XKR4: variants seen among roughly 807,000 people sequenced by gnomAD.
XKR4 encodes XK related 4.
In XKR4, 12 loss-of-function variants were observed where a neutral mutation model predicts 53.9. The observed-to-expected ratio is 0.22, with a 90% CI of 0.14 to 0.36. The LOEUF is 0.36. Among genes scored for constraint, XKR4 ranks in the 10% least tolerant of loss-of-function variants. XKR4 has a pLI of 1.00. For synonymous variants in XKR4, 354 were observed against 362.4 expected (o/e 0.98, Z 0.26); for missense variants, 799 against 859.5 (o/e 0.93, Z 0.88).
At chr8:55,462,312 C>A (rs1424107299) in intron 2 of XKR4, among the ~76,000 whole-genome samples, 1 of 152,106 alleles carries the variant, frequency 6.6e-6, no homozygotes, top group Non-Finnish European at 1.5e-5. Context: ...AGAGTGGGGG[C>A]CAATATTCAA....
rs1206938613 is a variant in XKR4, at chr8:55,357,560, G to A, written c.807-118G>A. 7.0e-6 allele frequency: 7 copies of A among 1,001,068 alleles called. No homozygotes were observed. The East Asian group carries it at 1.0e-4, about 15-fold the overall frequency. The allele number at this position is 1,001,068 out of a possible 1,614,324, so 62.0% of individuals were successfully genotyped here. A position where few individuals can be genotyped will look rare whatever the true frequency, so the allele number is the denominator to read the frequency against. ...TGGACTTTAACTCATAAGCCCCCGA[G>A]GTAATTGTTTCTTGTGCTTGCTTGC... On this transcript the variant is annotated intron_variant, in intron 1 of 2. Coordinates refer to ENST00000327381, the MANE Select transcript of XKR4 (RefSeq NM_052898.2).
intron 2 of XKR4, among the ~76,000 whole-genome samples, chr8:55,416,997 G>T (rs1346237979): frequency 6.6e-6 from 1 of 152,120 alleles, no homozygotes; most frequent in African/African-American, 2.4e-5. Flanking sequence ...GTCCCCTGGG[G>T]CGGGGTTACA....
At chr8:55,263,577 C>T (rs1299566363) in intron 1 of XKR4, among the ~76,000 whole-genome samples, 1 of 152,352 alleles carries the variant, frequency 6.6e-6, no homozygotes, top group Non-Finnish European at 1.5e-5. Flanking sequence ...GAAGTAATCA[C>T]TGTAATGCTA....
At chr8:55,487,267 G>A (rs1206614930) in intron 2 of XKR4, among the ~76,000 whole-genome samples, 4 of 152,122 alleles carry the variant, frequency 2.6e-5, no homozygotes, top group Non-Finnish European at 5.9e-5. Context: ...AGAAAAGTCT[G>A]CCCCAACTCT....
chr8:55,423,007 C>T (rs1256265062), intron 2 of XKR4, among the ~76,000 whole-genome samples: 1 of 152,088 alleles, frequency 6.6e-6, no homozygotes, highest in Non-Finnish European at 1.5e-5. Context: ...TAAGACAATG[C>T]CCCATGTCAA....
Position 55,523,837 on chromosome 8 carries a change from G to T in XKR4, c.1563G>T (p.Gly521=). ...TTCATCCCAATGGACCCAGATTCGG[G>T]CAGTCACCAAGTTGTGCTTGTGAGG... ...AFFHPNGPRF[G]QSPSCACEDP... Residue 521 remains glycine, a synonymous_variant, in exon 3 of 3, where the codon GGG becomes GGT. Transcript: ENST00000327381. 3.1e-6 allele frequency: 5 copies of T among 1,614,148 alleles called. No homozygotes were observed. Among genetic ancestry groups the T allele is most frequent in the Non-Finnish European group, 4.2e-6 (5 of 1,180,024 alleles).
At chr8:55,290,617 C>A (rs1226940299) in intron 1 of XKR4, among the ~76,000 whole-genome samples, 2 of 152,010 alleles carry the variant, frequency 1.3e-5, no homozygotes, top group Admixed American at 6.6e-5. Flanking sequence ...TGTGGTGTTC[C>A]CCTCCCTGTA....
intron 1 of XKR4, among the ~76,000 whole-genome samples, chr8:55,250,004 G>A (rs375717129): frequency 1.7e-4 from 26 of 152,252 alleles, no homozygotes; most frequent in African/African-American, 5.5e-4. Context: ...GAAAAATTAA[G>A]TGTACATCTT....
intron 2 of XKR4, among the ~76,000 whole-genome samples, chr8:55,392,529 G>T (rs57860456): frequency 1.3e-5 from 2 of 152,142 alleles, no homozygotes; most frequent in Non-Finnish European, 2.9e-5. Context: ...GGTGGTTCAC[G>T]CCTATAATCC....
chr8:55,325,874 T>A (rs1165086758), intron 1 of XKR4, among the ~76,000 whole-genome samples: 1 of 152,228 alleles, frequency 6.6e-6, no homozygotes, highest in East Asian at 1.9e-4. Flanking sequence ...AATTCCTCTC[T>A]AAGAAATTGA....
At chr8:55,451,404 G>C (rs754691751) in intron 2 of XKR4, 16 of 932,354 alleles carry the variant, frequency 1.7e-5, no homozygotes, top group Admixed American at 1.7e-4. Context: ...TGTTGCGTCC[G>C]GACGCACTGG....
intron 2 of XKR4, among the ~76,000 whole-genome samples, chr8:55,413,126 C>T (rs1207737426): frequency 1.3e-5 from 2 of 152,208 alleles, no homozygotes; most frequent in East Asian, 3.8e-4. Context: ...GCATATATGA[C>T]ATTGTTTTAC....
At chr8:55,191,466 C>T (rs2129361038) in intron 1 of XKR4, among the ~76,000 whole-genome samples, 1 of 152,252 alleles carries the variant, frequency 6.6e-6, no homozygotes, top group African/African-American at 2.4e-5. Flanking sequence ...GTGCCCAGGG[C>T]CTGACTTTTA....
chr8:55,289,569 G>GAAGAAAGAAAA (rs1227846296), intron 1 of XKR4, among the ~76,000 whole-genome samples: 1 of 74,400 alleles, frequency 1.3e-5, no homozygotes, highest in African/African-American at 4.7e-5. Flanking sequence ...AGGAAGGAAG[G>GAAGAAAGAAAA]AGAGAGAAAG....
chr8:55,418,825 G>A (rs536032138), intron 2 of XKR4, among the ~76,000 whole-genome samples: 33 of 151,318 alleles, frequency 2.2e-4, no homozygotes, highest in African/African-American at 4.4e-4. Flanking sequence ...CTTGAAAGTC[G>A]CCTTCTCATC....
At chr8:55,408,876 G>C (rs768216968) in intron 2 of XKR4, among the ~76,000 whole-genome samples, 3 of 151,996 alleles carry the variant, frequency 2.0e-5, no homozygotes, top group Non-Finnish European at 4.4e-5. Context: ...GCATGGTGGC[G>C]TGCGCCTGTA....
At chr8:55,240,572 A>G (rs1413384928) in intron 1 of XKR4, among the ~76,000 whole-genome samples, 5 of 152,146 alleles carry the variant, frequency 3.3e-5, no homozygotes, top group Non-Finnish European at 7.4e-5. Context: ...GAATCATTTG[A>G]GCCTCATTAT....
Position 55,524,173 on chromosome 8 carries a change from G to A in XKR4, c.1899G>A (p.Gln633=), listed in dbSNP as rs1232086828. Residue 633 remains glutamine (Q), a synonymous_variant, in exon 3 of 3, where the codon CAG becomes CAA. Coordinates refer to ENST00000327381, the MANE Select transcript of XKR4 (RefSeq NM_052898.2). ...FECSPSPPRL[Q]YKDDALIQER... Reference sequence around the variant, plus strand: ...GTTCCCCATCTCCTCCAAGGCTGCAGTACAAAGATGATGCCCTTATTCAGG... The same window carrying A: ...GTTCCCCATCTCCTCCAAGGCTGCAATACAAAGATGATGCCCTTATTCAGG... 1 of 1,614,230 alleles carries A rather than the reference G, an allele frequency of 6.2e-7. No homozygotes were observed. The highest frequency in any genetic ancestry group is 8.5e-7 in the Non-Finnish European group (1 of 1,180,040).
chr8:55,402,948 A>C (rs80253691), intron 2 of XKR4, among the ~76,000 whole-genome samples: 260 of 152,328 alleles, frequency 1.7e-3, no homozygotes, highest in African/African-American at 5.9e-3. Flanking sequence ...AGCTCCGTCC[A>C]GGTCAGGAGC....
Sources: allele counts gnomAD v4.1 joint callset (sites outside exome capture counted in the v4.1 genomes callset), GRCh38; gene constraint gnomAD v4.1.1; transcripts MANE v1.5; gene names NCBI Gene and HGNC (gene_info 2026-07-23, HGNC 2026-07-21).